CD44: variants seen among roughly 807,000 people sequenced by gnomAD.
CD44 encodes the protein CD44 antigen.
A neutral mutation model predicts 88.8 loss-of-function variants in CD44; 49 were observed. That is an observed-to-expected ratio of 0.55 (90% CI 0.44 to 0.70). The LOEUF is 0.70. Among genes scored for constraint, CD44 ranks in the 30% least tolerant of loss-of-function variants. The pLI is 0.00. For missense variants in CD44, 883 were observed against 913.8 expected (o/e 0.97, Z 0.43); for synonymous variants, 325 against 312.3 (o/e 1.04, Z -0.43).
At chr11:35,165,649 C>T (rs985688526) in intron 1 of CD44, among the ~76,000 whole-genome samples, 3 of 152,160 alleles carry the variant, frequency 2.0e-5, no homozygotes, top group African/African-American at 7.2e-5. Flanking sequence ...GTATGCACAT[C>T]AACCTTCTCA....
At chr11:35,175,598 G>A (rs1944368680) in intron 1 of CD44, among the ~76,000 whole-genome samples, 1 of 152,238 alleles carries the variant, frequency 6.6e-6, no homozygotes, top group South Asian at 2.1e-4. Context: ...TGTAGTTTTT[G>A]TAGTGGTGGA....
intron 1 of CD44, among the ~76,000 whole-genome samples, chr11:35,153,685 G>A (rs753637101): frequency 6.6e-5 from 10 of 152,204 alleles, no homozygotes; most frequent in Non-Finnish European, 1.3e-4. Context: ...AACTAATGAT[G>A]CCTTTGTTTA....
chr11:35,195,406 G>A (rs556580743), intron 5 of CD44, among the ~76,000 whole-genome samples: 1 of 151,998 alleles, frequency 6.6e-6, no homozygotes, highest in East Asian at 1.9e-4. Context: ...CAATGTCTAA[G>A]ATCATGCAGG....
At chr11:35,210,865 T>A (rs890634570) in intron 13 of CD44, 2 of 170,260 alleles carry the variant, frequency 1.2e-5, no homozygotes, top group African/African-American at 4.8e-5. Context: ...AATTTTATCT[T>A]TCAATCCAAT....
intron 12 of CD44, 122 bp downstream of exon 12, chr11:35,208,328 G>C (rs2134149197): frequency 4.2e-6 from 3 of 715,400 alleles, no homozygotes; most frequent in East Asian, 5.3e-5. Context: ...CTTCAGCCCA[G>C]AGTGTGAAAC....
rs1397816479 is a variant in CD44, at chr11:35,230,390, A to C, written c.*1057A>C. The C allele has an allele frequency of 6.6e-6, 1 of 152,104 alleles. No individual in the cohort carries two copies. Among genetic ancestry groups the C allele is most frequent in the Non-Finnish European group, 1.5e-5 (1 of 68,000 alleles). 9.4% of individuals were successfully genotyped at this position (152,104 alleles called of 1,614,324 possible). ...CATGACCTGTTATCCCTGGGGCCCT[A>C]TTTCATAGAGGCTGGCCCTATTAGT... On this transcript the variant is annotated 3_prime_UTR_variant, in exon 18 of 18. Coordinates refer to ENST00000428726, the MANE Select transcript of CD44 (RefSeq NM_000610.4).
intron 6 of CD44, 160 bp downstream of exon 6, chr11:35,197,034 C>CTTT: frequency 1.5e-6 from 1 of 654,646 alleles, no homozygotes; most frequent in Admixed American, 2.8e-5. Context: ...TGTTTGTTTG[C>CTTT]TTGTATGGCA....
chr11:35,172,651 A>G (rs896440883), intron 1 of CD44, among the ~76,000 whole-genome samples: 13 of 152,132 alleles, frequency 8.5e-5, no homozygotes, highest in Non-Finnish European at 1.5e-4. Flanking sequence ...GTCCTGATGA[A>G]CTTTTCATAA....
Position 35,182,205 on chromosome 11 carries a change from A to T in CD44, c.367+1798A>T, listed in dbSNP as rs1021660767. On this transcript the variant is annotated intron_variant, in intron 3 of 17. Transcript: ENST00000428726. ...AGATCTTTCTTCTACTCACTACTAAAAAAAACCCAAAAATTAAAATTAATT... is the reference window on the plus strand; with the variant it reads ...AGATCTTTCTTCTACTCACTACTAATAAAAACCCAAAAATTAAAATTAATT... Among the ~76,000 whole-genome samples, 6 of 151,172 alleles carry T rather than the reference A, an allele frequency of 4.0e-5. No homozygotes were observed. The Admixed American group carries it at 4.0e-4, about 10-fold the overall frequency.
At chr11:35,165,653 C>T (rs1196841795) in intron 1 of CD44, among the ~76,000 whole-genome samples, 4 of 152,178 alleles carry the variant, frequency 2.6e-5, no homozygotes, top group Non-Finnish European at 2.9e-5. Flanking sequence ...GCACATCAAC[C>T]TTCTCACTTT....
chr11:35,181,943 A>G (rs1284970070), intron 3 of CD44, among the ~76,000 whole-genome samples: 1 of 95,904 alleles, frequency 1.0e-5, no homozygotes, highest in Non-Finnish European at 1.9e-5. Flanking sequence ...TAAATTATAT[A>G]TAATATATAT....
At chr11:35,198,716 C>T (rs1205563572) in intron 7 of CD44, among the ~76,000 whole-genome samples, 1 of 152,128 alleles carries the variant, frequency 6.6e-6, no homozygotes, top group African/African-American at 2.4e-5. Flanking sequence ...TGGTGGCTCA[C>T]ACCTGTAATC....
At chr11:35,215,207 C>T (rs1001075366) in intron 15 of CD44, among the ~76,000 whole-genome samples, 1 of 152,168 alleles carries the variant, frequency 6.6e-6, no homozygotes, top group East Asian at 1.9e-4. Context: ...TGGAGGAAAG[C>T]CTTGCATCTG....
chr11:35,214,962 T>A, intron 15 of CD44, 48 bp downstream of exon 15: 1 of 1,152,276 alleles, frequency 8.7e-7, no homozygotes. Context: ...TCATTGAGCC[T>A]AATGATGACT....
intron 1 of CD44, among the ~76,000 whole-genome samples, chr11:35,142,171 T>TG (rs1219056039): frequency 2.0e-5 from 3 of 151,864 alleles, no homozygotes; most frequent in African/African-American, 4.8e-5. Context: ...TCTCTGTGGG[T>TG]GAGGGGATCT....
intron 17 of CD44, among the ~76,000 whole-genome samples, chr11:35,224,523 G>T (rs3794104): frequency 0.042 from 6,411 of 152,258 alleles, 151 homozygotes; most frequent in East Asian, 0.087. Flanking sequence ...GATTAGTTGA[G>T]CCTAGGAGTT....
chr11:35,166,742 C>G (rs353629), intron 1 of CD44, among the ~76,000 whole-genome samples: 2 of 152,084 alleles, frequency 1.3e-5, no homozygotes, highest in Admixed American at 6.5e-5. Context: ...CAGTTGAAAG[C>G]AACCCAGGGC....
Position 35,139,378 on chromosome 11 carries a change from C to A in CD44, c.67+8C>A. The stretch of plus-strand genomic sequence containing the variant: ...TGAGCCTGGCGCAGATCGGTGAGTG[C>A]CCGCCGCAGCCTGGGCAGCAAGATG... On this transcript the variant is annotated splice_region_variant and intron_variant, in intron 1 of 17. Transcript: ENST00000428726. The A allele has an allele frequency of 1.3e-6, 2 of 1,555,356 alleles. No homozygotes were observed. Among genetic ancestry groups the A allele is most frequent in the East Asian group, 2.4e-5 (1 of 41,616 alleles).
intron 1 of CD44, among the ~76,000 whole-genome samples, chr11:35,174,800 C>T (rs1330537622): frequency 3.9e-5 from 6 of 152,132 alleles, no homozygotes; most frequent in South Asian, 2.1e-4. Flanking sequence ...ATGAGTCATT[C>T]GTTTATATAA....
Sources: gnomAD v4.1 joint callset for allele counts (sites outside exome capture counted in the v4.1 genomes callset) on GRCh38, gnomAD v4.1.1 for gene constraint, MANE v1.5 for transcripts, NCBI Gene and HGNC (gene_info 2026-07-23, HGNC 2026-07-21) for gene names.